The following DNAJB1 variants were observed in gnomAD, a reference collection of about 807,000 sequenced individuals.
DNAJB1 encodes dnaJ homolog subfamily B member 1.
DNAJB1 carries 14 observed loss-of-function variants against 24.0 expected under a neutral mutation model. The ratio of observed to expected loss-of-function variants is 0.58; its 90% CI spans 0.39 to 0.91. The LOEUF (loss-of-function observed/expected upper bound fraction) is 0.91, where lower values mean the gene tolerates loss of function less well. Ranked by LOEUF, DNAJB1 falls within the 40% of genes least tolerant of loss-of-function variation. The probability of loss-of-function intolerance (pLI) is 0.00; values close to 1 mark genes in which losing one functional copy is unlikely to be tolerated. For missense variants in DNAJB1, 517 were observed against 458.1 expected (o/e 1.13, Z -1.17); for synonymous variants, 262 against 174.4 (o/e 1.50, Z -3.96).
chr19:14,537,190 G>A (rs2072931722), intron 1 of DNAJB1, among the ~76,000 whole-genome samples: 1 of 128,266 alleles, frequency 7.8e-6, no homozygotes, highest in Non-Finnish European at 1.7e-5. Flanking sequence ...AGGGGAGGCC[G>A]AGGGGGAGGA....
At position 14,528,638 on chromosome 19, in the gene DNAJB1, C is replaced by T. The variant is rs534641155; in HGVS notation, c.-175+572G>A. 2.7e-3 allele frequency among the ~76,000 whole-genome samples: 415 copies of T among 152,046 alleles called. 2 individuals carry two copies. Among genetic ancestry groups the T allele is most frequent in the African/African-American group, 8.2e-3 (342 of 41,496 alleles). The stretch of plus-strand genomic sequence containing the variant: ...CAATGTAGTTCCCCTGTCCATAGGG[C>T]GGAGCAAAGTGTGGAGGGGGGCCGG... On this transcript the variant is annotated intron_variant, in intron 1 of 3. Transcript: ENST00000396969.
intron 1 of DNAJB1, among the ~76,000 whole-genome samples, chr19:14,544,689 A>G (rs2073242197): frequency 6.8e-6 from 1 of 147,984 alleles, no homozygotes; most frequent in Non-Finnish European, 1.5e-5. Context: ...GCTGGAGTGC[A>G]GTGGCACGAT....
chr19:14,519,181 A>G (rs1326319572), upstream of DNAJB1, among the ~76,000 whole-genome samples: 1 of 152,168 alleles, frequency 6.6e-6, no homozygotes, highest in African/African-American at 2.4e-5. Flanking sequence ...CAGCCTGGCC[A>G]ACATGGTGAA....
upstream of DNAJB1, among the ~76,000 whole-genome samples, chr19:14,551,926 C>T (rs1288513676): frequency 4.3e-5 from 5 of 116,860 alleles, no homozygotes; most frequent in Admixed American, 1.7e-4. Flanking sequence ...TCCCTCCCTC[C>T]CTCTCTCTCT....
upstream of DNAJB1, among the ~76,000 whole-genome samples, chr19:14,554,776 C>CT (rs1489149437): frequency 2.6e-5 from 4 of 151,992 alleles, no homozygotes; most frequent in Non-Finnish European, 5.9e-5. Flanking sequence ...CTGCTTGTCT[C>CT]TGCCTTGTGC....
chr19:14,556,408 C>A (rs868362347), intron 1 of DNAJB1, among the ~76,000 whole-genome samples: 4 of 50,890 alleles, frequency 7.9e-5, no homozygotes, highest in East Asian at 6.8e-4. Flanking sequence ...GAGACTCTCT[C>A]AAAAAAAAAA....
chr19:14,535,749 T>G (rs1374622223), intron 1 of DNAJB1, among the ~76,000 whole-genome samples: 1 of 80,882 alleles, frequency 1.2e-5, no homozygotes, highest in Non-Finnish European at 2.5e-5. Flanking sequence ...AGAGTGAGAC[T>G]CTGTCTCAAA....
upstream of DNAJB1, chr19:14,529,823 A>G: frequency 1.3e-6 from 2 of 1,511,532 alleles, no homozygotes; most frequent in Non-Finnish European, 1.8e-6. Context: ...GAAGAGCCAG[A>G]CGGCGCAGGC....
At chr19:14,551,895 T>TTCTC (rs140348006), upstream of DNAJB1, among the ~76,000 whole-genome samples, 1 of 145,166 alleles carries the variant, frequency 6.9e-6, no homozygotes, top group African/African-American at 2.6e-5. Context: ...TTTCTTTCCT[T>TTCTC]TCTCTCTCTC....
At chr19:14,535,578 ATATATATATATG>A (rs1239402762) in intron 1 of DNAJB1, among the ~76,000 whole-genome samples, 8 of 40,004 alleles carry the variant, frequency 2.0e-4, no homozygotes, top group South Asian at 1.4e-3. Context: ...ATATATATAT[ATATATATATATG>A]TATGTATATA....
chr19:14,530,207 G>A (rs1338438039), upstream of DNAJB1: 1 of 177,864 alleles, frequency 5.6e-6, no homozygotes, highest in Non-Finnish European at 1.2e-5. Context: ...GCAGCTCCAC[G>A]GCTGGCTTTC....
In DNAJB1 at chr19:14,539,188, G is replaced by C. The variant is rs2073013099; in HGVS notation, c.-214+11020C>G. Among the ~76,000 whole-genome samples, 5 of 109,948 alleles carry C rather than the reference G, an allele frequency of 4.5e-5. No individual in the cohort carries two copies. The Admixed American group carries it at 6.2e-4, about 14-fold the overall frequency. 72.1% of individuals were successfully genotyped at this position (109,948 alleles called of 152,430 possible). On this transcript the variant is annotated intron_variant, in intron 1 of 3. Coordinates refer to the DNAJB1 transcript ENST00000676982. ...TTTTTGTATTTTTAGTAGAGACGAA[G>C]TTTTACCGTGTTAGCCAGGATGGTC...
At position 14,517,768 on chromosome 19, in the gene DNAJB1, G is replaced by A. The variant is rs568623447; in HGVS notation, c.211+371C>T. 3.1e-5 allele frequency: 6 copies of A among 192,882 alleles called. No homozygotes were observed. In the East Asian group the frequency reaches 4.8e-4, roughly 15 times the overall value. 11.9% of individuals were successfully genotyped at this position (192,882 alleles called of 1,614,324 possible). ...AGCTGAGCCGGAGGCGCCGCCCCGC[G>A]GACCCCGGCGGCCGAGCCCAGGTGA... On this transcript the variant is annotated intron_variant, in intron 1 of 2. Coordinates refer to ENST00000254322, the MANE Select transcript of DNAJB1 (RefSeq NM_006145.3).
intron 2 of DNAJB1, 51 bp from the exon 3 acceptor site, chr19:14,516,221 G>C (rs1462633175): frequency 6.3e-7 from 1 of 1,596,980 alleles, no homozygotes. Flanking sequence ...AAGAGGCTCA[G>C]CTCTTGCCCA....
chr19:14,560,110 CCT>C (rs1266901138), exon 1 of DNAJB1, among the ~76,000 whole-genome samples: 2 of 152,182 alleles, frequency 1.3e-5, no homozygotes, highest in East Asian at 3.8e-4. Context: ...GAGCGTGGCC[CCT>C]CTCTCGCTAC....
chr19:14,549,361 C>CGT (rs2073415273), intron 1 of DNAJB1, among the ~76,000 whole-genome samples: 1 of 151,868 alleles, frequency 6.6e-6, no homozygotes, highest in East Asian at 1.9e-4. Flanking sequence ...TACAGGCATG[C>CGT]GCCACCATGC....
At position 14,518,016 on chromosome 19, in the gene DNAJB1, G is replaced by T. The variant is rs562678890; in HGVS notation, c.211+123C>A. On this transcript the variant is annotated intron_variant, in intron 1 of 2. Coordinates refer to ENST00000254322, the MANE Select transcript of DNAJB1 (RefSeq NM_006145.3). ...GGGCGGAGGCCCGCGAGGCCGGAGG[G>T]CGGGGCAGCTCGGCCCCACGGCCCG... 3.7e-3 allele frequency: 4,093 copies of T among 1,094,304 alleles called. 93 individuals carry two copies. In the African/African-American group the frequency reaches 0.052, roughly 14 times the overall value. 67.8% of individuals were successfully genotyped at this position (1,094,304 alleles called of 1,614,324 possible).
In DNAJB1 at chr19:14,516,596, G is replaced by T; in HGVS notation, c.662C>A (p.Pro221His). 1 of 1,614,096 alleles carries T rather than the reference G, an allele frequency of 6.2e-7. No homozygotes were observed. The highest frequency in any genetic ancestry group is 8.5e-7 in the Non-Finnish European group (1 of 1,180,044). The change falls in exon 2 of 3, where the codon CCC (proline) becomes CAC (histidine). Residue 221 changes from proline (P) to histidine (H), a missense_variant. Pro to His is a moderately conservative substitution (Grantham distance 77). Transcript: ENST00000254322. ...GWKEGTKITF[P>H]KEGDQTSNNI... ...GTTGGAGGTCTGGTCTCCTTCCTTG[G>T]GGAAAGTGATTTTGGTTCCTTCTTT...
upstream of DNAJB1, among the ~76,000 whole-genome samples, chr19:14,522,800 G>A (rs886753700): frequency 1.3e-5 from 2 of 152,058 alleles, no homozygotes; most frequent in Admixed American, 1.3e-4. Context: ...AAGTGAGTCT[G>A]AGGACAGTTG....
Sources: gnomAD v4.1 joint callset for allele counts (sites outside exome capture counted in the v4.1 genomes callset) on GRCh38, gnomAD v4.1.1 for gene constraint, MANE v1.5 for transcripts, NCBI Gene and HGNC (gene_info 2026-07-23, HGNC 2026-07-21) for gene names.